MORC4: variants seen among roughly 807,000 people sequenced by gnomAD.
The protein encoded by MORC4 is MORC family CW-type zinc finger 4, also known as MORC family CW-type zinc finger protein 4.
Under a neutral mutation model 65.5 loss-of-function variants are expected in MORC4, and 22 were observed. The ratio of observed to expected loss-of-function variants is 0.34; its 90% CI spans 0.24 to 0.48. The LOEUF (loss-of-function observed/expected upper bound fraction) is 0.48. Among genes scored for constraint, MORC4 ranks in the 20% least tolerant of loss-of-function variants. The probability of loss-of-function intolerance (pLI) is 0.99; values close to 1 mark genes in which losing one functional copy is unlikely to be tolerated. For missense variants in MORC4, 624 were observed against 703.0 expected (o/e 0.89, Z 1.27); for synonymous variants, 267 against 255.8 (o/e 1.04, Z -0.42).
intron 7 of MORC4, among the ~76,000 whole-genome samples, chrX:106,978,496 A>G (rs995777145): frequency 1.8e-5 from 2 of 111,096 alleles, no homozygotes; most frequent in East Asian, 2.8e-4. Flanking sequence ...TTAAATGTTC[A>G]ACAATAAAGA....
At position 106,985,259 on chromosome X, in the gene MORC4, G is replaced by A. The variant is rs1436964938; in HGVS notation, c.527-16C>T. On this transcript the variant is annotated splice_polypyrimidine_tract_variant and intron_variant, in intron 4 of 16. Coordinates refer to ENST00000355610, the MANE Select transcript of MORC4 (RefSeq NM_024657.5). ...ATCATTTTTTGTAAAATCAAATATA[G>A]TCAAAGAAAAAATAATATCTTAGGA... The A allele has an allele frequency of 9.1e-7, 1 of 1,104,272 alleles. No homozygotes were observed. The highest frequency in any genetic ancestry group is 1.2e-6 in the Non-Finnish European group (1 of 821,664). The allele number at this position is 1,104,272 out of a possible 1,213,427, so 91.0% of individuals were successfully genotyped here.
chrX:106,957,343 C>T (rs942873674), intron 11 of MORC4, among the ~76,000 whole-genome samples: 2 of 111,796 alleles, frequency 1.8e-5, no homozygotes, highest in African/African-American at 3.2e-5. Flanking sequence ...TATTCAAAAA[C>T]GAGACTTCTA....
At chrX:106,984,313 G>C (rs1340510458) in intron 5 of MORC4, among the ~76,000 whole-genome samples, 2 of 109,156 alleles carry the variant, frequency 1.8e-5, no homozygotes, top group African/African-American at 6.7e-5. Flanking sequence ...ATATGAAATA[G>C]ATATTTATAA....
intron 9 of MORC4, among the ~76,000 whole-genome samples, chrX:106,966,336 A>G (rs1474482330): frequency 8.9e-6 from 1 of 112,343 alleles, no homozygotes; most frequent in Non-Finnish European, 1.9e-5. Context: ...GCTGAATAGG[A>G]ACAGCCCCAG....
At chrX:106,974,486 G>A (rs905642004) in intron 9 of MORC4, among the ~76,000 whole-genome samples, 3 of 111,474 alleles carry the variant, frequency 2.7e-5, no homozygotes, top group African/African-American at 9.8e-5. Context: ...TATATCATGT[G>A]AGACATATCT....
At chrX:106,972,001 A>G in intron 9 of MORC4, among the ~76,000 whole-genome samples, 1 of 112,354 alleles carries the variant, frequency 8.9e-6, no homozygotes, top group Middle Eastern at 4.7e-3. Context: ...TCATTCTACT[A>G]TAAAGACACA....
At chrX:106,964,332 G>A (rs759615527) in intron 9 of MORC4, among the ~76,000 whole-genome samples, 1 of 111,779 alleles carries the variant, frequency 8.9e-6, no homozygotes, top group Non-Finnish European at 1.9e-5. Flanking sequence ...AAATTATCAA[G>A]TATTAAGAGC....
intron 13 of MORC4, among the ~76,000 whole-genome samples, chrX:106,955,326 G>C (rs1043424193): frequency 9.1e-6 from 1 of 110,093 alleles, no homozygotes; most frequent in African/African-American, 3.3e-5. Flanking sequence ...GTGGCTCCTA[G>C]AATTATCCCA....
At chrX:106,976,874 C>CA (rs1385251381) in intron 8 of MORC4, among the ~76,000 whole-genome samples, 190 bp from the exon 9 acceptor site, 3 of 111,270 alleles carry the variant, frequency 2.7e-5, no homozygotes, top group Non-Finnish European at 5.7e-5. Flanking sequence ...GAAATTCTGA[C>CA]AAATTCTAGG....
rs966083143 is a variant in MORC4, at chrX:106,978,327, A to C, written c.937-128T>G. 14 of 579,062 alleles carry C rather than the reference A, an allele frequency of 2.4e-5. No homozygotes were observed. In the African/African-American group the frequency reaches 3.3e-4, roughly 14 times the overall value. The allele number at this position is 579,062 out of a possible 1,213,427, so 47.7% of individuals were successfully genotyped here. ...TGGTACAACCTTTTTGCGGGCATTT[A>C]AACATCTGTTGCAATAGCTTTAAGA... On this transcript the variant is annotated intron_variant, in intron 7 of 16. Coordinates refer to ENST00000355610, the MANE Select transcript of MORC4 (RefSeq NM_024657.5).
chrX:106,985,883 A>T, intron 4 of MORC4, 100 bp downstream of exon 4: 1 of 668,458 alleles, frequency 1.5e-6, no homozygotes, highest in Non-Finnish European at 2.3e-6. Context: ...TACCTCTTTT[A>T]AAACTTCTGA....
chrX:106,969,495 T>C (rs1602492314), intron 9 of MORC4, among the ~76,000 whole-genome samples: 2 of 108,108 alleles, frequency 1.8e-5, no homozygotes, highest in East Asian at 6.0e-4. Flanking sequence ...ATGAAGGAGA[T>C]AGAGACACAA....
At chrX:106,944,032 C>G (rs1013279177) in intron 14 of MORC4, among the ~76,000 whole-genome samples, 1 of 112,514 alleles carries the variant, frequency 8.9e-6, no homozygotes, top group African/African-American at 3.2e-5. Flanking sequence ...CCATTTTTAT[C>G]CTTACAACTA....
At chrX:106,971,863 G>C (rs769551734) in intron 9 of MORC4, among the ~76,000 whole-genome samples, 1 of 112,308 alleles carries the variant, frequency 8.9e-6, no homozygotes, top group African/African-American at 3.2e-5. Context: ...CTTTGACACT[G>C]TTGGTGGGAG....
chrX:106,969,905 G>T (rs749082663), intron 9 of MORC4, among the ~76,000 whole-genome samples: 20 of 111,828 alleles, frequency 1.8e-4, no homozygotes, highest in Admixed American at 7.6e-4. Flanking sequence ...GATACAAAGA[G>T]AAGCTGGTAC....
rs770322875 is a variant in MORC4, at chrX:106,989,611, G to A, written c.309-3411C>T. ...GCACCAGGCACGGTGGCTCATGCCT[G>A]TAATCCCAGCACTTTGGGAGGCCGA... On this transcript the variant is annotated intron_variant, in intron 3 of 16. Transcript: ENST00000355610. 5.3e-4 allele frequency among the ~76,000 whole-genome samples: 59 copies of A among 112,008 alleles called. 1 individual carries two copies. The highest frequency in any genetic ancestry group is 1.8e-3 in the African/African-American group (55 of 30,865).
Position 106,978,202 on chromosome X carries a change from GAGA to G in MORC4, c.937-6_937-4del. On this transcript the variant is annotated splice_polypyrimidine_tract_variant and splice_region_variant and intron_variant, in intron 7 of 16. Transcript: ENST00000355610. ...AAGGTGATTCTCACCTGCTTATTCT[GAGA>G]AGAACATCGTTAAGGAGACAAACAT... 13 of 1,201,947 alleles carry G rather than the reference GAGA, an allele frequency of 1.1e-5. No homozygotes were observed. Among genetic ancestry groups the G allele is most frequent in the Non-Finnish European group, 1.3e-5 (12 of 890,927 alleles).
intron 3 of MORC4, among the ~76,000 whole-genome samples, chrX:106,990,455 CCT>C (rs2147826109): frequency 9.0e-6 from 1 of 111,308 alleles, no homozygotes; most frequent in Admixed American, 9.5e-5. Flanking sequence ...ATGGGGTCCC[CCT>C]GTGTTGCCCA....
Position 106,940,829 on chromosome X carries a change from A to G in MORC4, c.*650T>C, listed in dbSNP as rs1326727163. ...AAGGCAGGAAGATAGGAAGAAGAAA[A>G]ATATCAACCATAGTCCTACCACCTA... On this transcript the variant is annotated 3_prime_UTR_variant, in exon 17 of 17. Coordinates refer to ENST00000355610, the MANE Select transcript of MORC4 (RefSeq NM_024657.5). 8.9e-6 allele frequency: 1 copy of G among 112,050 alleles called. No homozygotes were observed. Among genetic ancestry groups the G allele is most frequent in the Non-Finnish European group, 1.9e-5 (1 of 53,133 alleles). 9.2% of individuals were successfully genotyped at this position (112,050 alleles called of 1,213,427 possible).
Sources: gnomAD v4.1 joint callset for allele counts (sites outside exome capture counted in the v4.1 genomes callset) on GRCh38, gnomAD v4.1.1 for gene constraint, MANE v1.5 for transcripts, NCBI Gene and HGNC (gene_info 2026-07-23, HGNC 2026-07-21) for gene names.